Variants in LINGO2 observed in about 807,000 individuals in gnomAD.
The protein encoded by LINGO2 is leucine rich repeat and Ig domain containing 2, also known as leucine-rich repeat and immunoglobulin-like domain-containing nogo receptor-interacting protein 2.
In LINGO2, 14 loss-of-function variants were observed where a neutral mutation model predicts 30.6. That is an observed-to-expected ratio of 0.46 (90% CI 0.30 to 0.72). LINGO2 has a LOEUF of 0.72. LINGO2 is among the 30% of genes least tolerant of loss of function. LINGO2 has a pLI of 0.07. For missense variants in LINGO2, 729 were observed against 751.7 expected, an observed-to-expected ratio of 0.97 and a Z score of 0.35; for synonymous variants, 317 against 288.5, an observed-to-expected ratio of 1.10 and a Z score of -1.00.
chr9:28,616,157 C>T (rs1241550199), intron 1 of LINGO2, among the ~76,000 whole-genome samples: 2 of 152,028 alleles, frequency 1.3e-5, no homozygotes, highest in Non-Finnish European at 2.9e-5. Context: ...ATATGCTATA[C>T]CGTAATGAAA....
intron 4 of LINGO2, among the ~76,000 whole-genome samples, chr9:28,252,599 T>C (rs1191464218): frequency 2.6e-5 from 4 of 152,086 alleles, no homozygotes; most frequent in Admixed American, 1.3e-4. Context: ...TAACATAAAA[T>C]TCAGTTAAAT....
intron 1 of LINGO2, among the ~76,000 whole-genome samples, chr9:28,636,394 G>A (rs905481891): frequency 2.0e-5 from 3 of 152,092 alleles, no homozygotes; most frequent in Non-Finnish European, 2.9e-5. Flanking sequence ...CGGAGGAATC[G>A]CCACACTGAC....
chr9:28,730,890 G>T, the LINGO2 span, among the ~76,000 whole-genome samples: 1 of 152,110 alleles, frequency 6.6e-6, no homozygotes, highest in Non-Finnish European at 1.5e-5. Context: ...ACACATTGCT[G>T]TTGGGAATGT....
At chr9:28,994,269 T>C in the LINGO2 span, among the ~76,000 whole-genome samples, 1 of 152,156 alleles carries the variant, frequency 6.6e-6, no homozygotes, top group African/African-American at 2.4e-5. Flanking sequence ...CCATTCACAA[T>C]TGCTTCAAAG....
At chr9:28,238,882 CAAA>C (rs796104515) in intron 4 of LINGO2, among the ~76,000 whole-genome samples, 32 of 151,666 alleles carry the variant, frequency 2.1e-4, no homozygotes, top group African/African-American at 7.5e-4. Flanking sequence ...ACAAAATTAA[CAAA>C]CCTTTAGCCA....
intron 4 of LINGO2, among the ~76,000 whole-genome samples, chr9:28,162,203 A>G (rs1480847820): frequency 2.6e-5 from 4 of 152,152 alleles, no homozygotes; most frequent in Admixed American, 2.6e-4. Flanking sequence ...ACTCAGTCAG[A>G]GGACATTTCT....
At chr9:28,350,948 C>G (rs1392961661) in intron 3 of LINGO2, among the ~76,000 whole-genome samples, 4 of 151,574 alleles carry the variant, frequency 2.6e-5, no homozygotes, top group African/African-American at 9.7e-5. Flanking sequence ...TCTTTGAAAC[C>G]AACGAGAACA....
At chr9:28,902,679 A>G in the LINGO2 span, among the ~76,000 whole-genome samples, 337 of 152,268 alleles carry the variant, frequency 2.2e-3, 4 homozygotes, top group African/African-American at 7.7e-3. Context: ...GAAATTATTC[A>G]AGTATCCCTT....
At chr9:28,119,672 G>C (rs1364121752) in intron 4 of LINGO2, among the ~76,000 whole-genome samples, 1 of 152,120 alleles carries the variant, frequency 6.6e-6, no homozygotes, top group Non-Finnish European at 1.5e-5. Flanking sequence ...CCCCTCTCCA[G>C]ATTTATAATT....
chr9:28,145,178 T>C (rs766371972), intron 4 of LINGO2, among the ~76,000 whole-genome samples: 7 of 152,138 alleles, frequency 4.6e-5, no homozygotes, highest in Non-Finnish European at 1.0e-4. Flanking sequence ...TGCTCTTATG[T>C]GGGTTCAAAA....
At chr9:29,069,937 A>G in the LINGO2 span, among the ~76,000 whole-genome samples, 1 of 152,100 alleles carries the variant, frequency 6.6e-6, no homozygotes, top group Non-Finnish European at 1.5e-5. Flanking sequence ...TAAGAGCTCT[A>G]AAACAGCCAG....
intron 3 of LINGO2, among the ~76,000 whole-genome samples, chr9:28,351,569 G>T (rs1274839265): frequency 3.5e-5 from 5 of 141,252 alleles, no homozygotes; most frequent in African/African-American, 1.1e-4. Flanking sequence ...TCTACCAGAG[G>T]TACAAGGAGG....
At chr9:28,569,923 G>C (rs1420003636) in intron 1 of LINGO2, among the ~76,000 whole-genome samples, 2 of 151,340 alleles carry the variant, frequency 1.3e-5, no homozygotes, top group Admixed American at 6.6e-5. Context: ...ATTTTTATTT[G>C]GCAAAAAATA....
the LINGO2 span, among the ~76,000 whole-genome samples, chr9:28,788,585 C>T: frequency 2.6e-5 from 4 of 152,256 alleles, no homozygotes; most frequent in Non-Finnish European, 5.9e-5. Context: ...GTTTAATTGA[C>T]TCACAGTTCA....
intron 1 of LINGO2, among the ~76,000 whole-genome samples, chr9:28,660,302 A>G (rs1828539810): frequency 6.6e-6 from 1 of 152,130 alleles, no homozygotes; most frequent in African/African-American, 2.4e-5. Context: ...AGAAACATGA[A>G]TGAGAATAAT....
At chr9:28,674,908 G>A (rs939309881), upstream of LINGO2, among the ~76,000 whole-genome samples, 5 of 151,630 alleles carry the variant, frequency 3.3e-5, no homozygotes, top group African/African-American at 1.2e-4. Context: ...TTTGGAGAGT[G>A]TAGAATGTGA....
chr9:28,326,381 T>C (rs1825230782), intron 3 of LINGO2, among the ~76,000 whole-genome samples: 1 of 152,210 alleles, frequency 6.6e-6, no homozygotes, highest in Admixed American at 6.5e-5. Context: ...CCTCAGATTC[T>C]TTAACCTTGC....
At chr9:28,889,749 A>T in the LINGO2 span, among the ~76,000 whole-genome samples, 1 of 152,064 alleles carries the variant, frequency 6.6e-6, no homozygotes, top group African/African-American at 2.4e-5. Flanking sequence ...ATCAGCTTTA[A>T]TGTCTCCATT....
intron 5 of LINGO2, among the ~76,000 whole-genome samples, chr9:27,952,034 A>G (rs1050406669): frequency 6.6e-6 from 1 of 152,094 alleles, no homozygotes; most frequent in African/African-American, 2.4e-5. Flanking sequence ...AGATAGGAAG[A>G]GGTATAATTT....
Sources: allele counts gnomAD v4.1 joint callset (sites outside exome capture counted in the v4.1 genomes callset), GRCh38; gene constraint gnomAD v4.1.1; transcripts MANE v1.5; gene names NCBI Gene and HGNC (gene_info 2026-07-23, HGNC 2026-07-21).